The following THADA variants were observed in gnomAD, a reference collection of about 807,000 sequenced individuals.
THADA encodes THADA armadillo repeat containing.
THADA carries 213 observed loss-of-function variants against 219.8 expected under a neutral mutation model. The ratio of observed to expected loss-of-function variants is 0.97; its 90% confidence interval spans 0.87 to 1.09. The LOEUF is 1.09. THADA is among the 50% of genes least tolerant of loss of function. The pLI is 0.00. For synonymous variants in THADA, 1,018 were observed against 828.9 expected (o/e 1.23, Z -3.92); for missense variants, 2,956 against 2,311.3 (o/e 1.28, Z -5.72).
chr2:43,403,714 A>G (rs773095885), intron 28 of THADA, among the ~76,000 whole-genome samples: 2 of 152,166 alleles, frequency 1.3e-5, no homozygotes, highest in Non-Finnish European at 2.9e-5. Flanking sequence ...ACTTCTGTCA[A>G]TGATGAAAAG....
At chr2:43,400,679 AG>A (rs1674727944) in intron 28 of THADA, among the ~76,000 whole-genome samples, 1 of 151,970 alleles carries the variant, frequency 6.6e-6, no homozygotes, top group Admixed American at 6.6e-5. Flanking sequence ...AGTACAGTTA[AG>A]AATGGTGGCA....
At chr2:43,432,543 T>A (rs971762101) in intron 26 of THADA, among the ~76,000 whole-genome samples, 2 of 152,116 alleles carry the variant, frequency 1.3e-5, no homozygotes, top group Admixed American at 6.6e-5. Flanking sequence ...TCATTTCTCC[T>A]GGATTAATAT....
At chr2:43,481,977 C>G (rs1663060587) in intron 26 of THADA, among the ~76,000 whole-genome samples, 1 of 152,146 alleles carries the variant, frequency 6.6e-6, no homozygotes, top group Middle Eastern at 3.2e-3. Context: ...GAGCTAAGCG[C>G]CATATTAGTT....
chr2:43,591,678 T>C (rs756106494), intron 3 of THADA, among the ~76,000 whole-genome samples: 1 of 152,228 alleles, frequency 6.6e-6, no homozygotes, highest in African/African-American at 2.4e-5. Flanking sequence ...TGAAGATTCA[T>C]ATATTTTAAA....
chr2:43,330,689 G>A (rs565473153), intron 30 of THADA, among the ~76,000 whole-genome samples: 2 of 152,194 alleles, frequency 1.3e-5, no homozygotes, highest in Non-Finnish European at 1.5e-5. Flanking sequence ...CTGAGAGTGA[G>A]GAAAAGGGAT....
intron 34 of THADA, among the ~76,000 whole-genome samples, chr2:43,289,959 GTTTTTTTTTTGTTTTTGT>G (rs971645469): frequency 7.7e-5 from 10 of 129,608 alleles, no homozygotes; most frequent in African/African-American, 2.9e-4. Context: ...CGGCCCTGGT[GTTTTTTTTTTGTTTTTGT>G]TTTTTTTTTT....
intron 31 of THADA, among the ~76,000 whole-genome samples, chr2:43,311,808 A>G (rs1165680206): frequency 6.6e-6 from 1 of 152,240 alleles, no homozygotes; most frequent in Non-Finnish European, 1.5e-5. Flanking sequence ...ACTTTCAAAA[A>G]CTACTTGCAT....
At chr2:43,245,172 C>T (rs1246251118) in intron 36 of THADA, among the ~76,000 whole-genome samples, 31 of 103,088 alleles carry the variant, frequency 3.0e-4, no homozygotes, top group Non-Finnish European at 4.3e-4. Flanking sequence ...CTTTCTTCTT[C>T]TTTTTTTTTT....
chr2:43,538,529 C>T (rs1386539894), intron 21 of THADA: 1 of 152,190 alleles, frequency 6.6e-6, no homozygotes, highest in Non-Finnish European at 1.5e-5. Flanking sequence ...AGTTCAGTAG[C>T]AAGTCATCTT....
At chr2:43,529,048 T>C (rs1220678870) in intron 21 of THADA, among the ~76,000 whole-genome samples, 1 of 152,092 alleles carries the variant, frequency 6.6e-6, no homozygotes. Flanking sequence ...ACTACTAGGC[T>C]TCACTTCAAG....
rs551281955 is a variant in THADA at position 43,458,027 on chromosome 2, C to A, written c.3836+27207G>T. Among the ~76,000 whole-genome samples the A allele has an allele frequency of 4.6e-5, 7 of 152,190 alleles. No homozygotes were observed. The East Asian group carries it at 7.7e-4, about 17-fold the overall frequency. On this transcript the variant is annotated intron_variant, in intron 26 of 37. Coordinates refer to ENST00000405975, the MANE Select transcript of THADA (RefSeq NM_022065.5). The stretch of plus-strand genomic sequence containing the variant: ...ACAAAACAAAACAAAACAAACACAA[C>A]CATAAATAGAATGGCCAAGGCTTAT...
intron 31 of THADA, among the ~76,000 whole-genome samples, chr2:43,297,695 C>T (rs1364966978): frequency 1.8e-4 from 21 of 117,858 alleles, no homozygotes; most frequent in African/African-American, 6.2e-4. Context: ...CCCCTCAGCC[C>T]GGCCAGCCAC....
intron 26 of THADA, among the ~76,000 whole-genome samples, chr2:43,452,275 A>G (rs1321470013): frequency 6.6e-6 from 1 of 152,150 alleles, no homozygotes; most frequent in African/African-American, 2.4e-5. Flanking sequence ...ATGCCAACTC[A>G]TATTGTTCAA....
intron 35 of THADA, among the ~76,000 whole-genome samples, chr2:43,281,817 C>T (rs1220279075): frequency 1.3e-5 from 2 of 151,806 alleles, no homozygotes; most frequent in African/African-American, 4.8e-5. Flanking sequence ...GTTGCTCAGG[C>T]TGGAGTGCAG....
chr2:43,243,535 T>G (rs867738135), intron 36 of THADA, among the ~76,000 whole-genome samples: 38 of 152,198 alleles, frequency 2.5e-4, no homozygotes, highest in African/African-American at 8.9e-4. Context: ...CCGGTCTCTA[T>G]TTGGGGCAGA....
chr2:43,423,128 T>C (rs1677935881), intron 28 of THADA, among the ~76,000 whole-genome samples: 1 of 151,984 alleles, frequency 6.6e-6, no homozygotes, highest in Non-Finnish European at 1.5e-5. Context: ...TTCCTCCCCA[T>C]TCAGAGGTAA....
chr2:43,481,372 C>G (rs1686197503), intron 26 of THADA, among the ~76,000 whole-genome samples: 1 of 152,146 alleles, frequency 6.6e-6, no homozygotes, highest in African/African-American at 2.4e-5. Context: ...TTATCCTAAG[C>G]TATTAATTTG....
chr2:43,352,762 T>C (rs1193781527), intron 29 of THADA, among the ~76,000 whole-genome samples: 1 of 152,088 alleles, frequency 6.6e-6, no homozygotes, highest in Non-Finnish European at 1.5e-5. Flanking sequence ...GTAACTAGCA[T>C]CCCTACCACC....
chr2:43,365,824 C>A (rs928074025), intron 29 of THADA, among the ~76,000 whole-genome samples: 2 of 152,082 alleles, frequency 1.3e-5, no homozygotes, highest in African/African-American at 4.8e-5. Context: ...AAGGCCAGGA[C>A]TGTGGATAGG....
Sources: gnomAD v4.1 joint callset for allele counts (sites outside exome capture counted in the v4.1 genomes callset) on GRCh38, gnomAD v4.1.1 for gene constraint, MANE v1.5 for transcripts, NCBI Gene and HGNC (gene_info 2026-07-23, HGNC 2026-07-21) for gene names.